Variants in DSE observed in about 807,000 individuals in gnomAD.
The protein encoded by DSE is dermatan sulfate epimerase, also known as dermatan-sulfate epimerase.
Under a neutral mutation model 84.4 loss-of-function variants are expected in DSE, and 36 were observed. The observed-to-expected ratio is 0.43, with a 90% CI of 0.33 to 0.56. The LOEUF is 0.56. Among genes scored for constraint, DSE ranks in the 20% least tolerant of loss-of-function variants. The pLI is 0.06. For synonymous variants in DSE, 410 were observed against 430.1 expected (o/e 0.95, Z 0.58); for missense variants, 862 against 1,169.6 (o/e 0.74, Z 3.84).
At chr6:116,303,225 A>G (rs1172455909) in intron 2 of DSE, among the ~76,000 whole-genome samples, 1 of 151,198 alleles carries the variant, frequency 6.6e-6, no homozygotes, top group Non-Finnish European at 1.5e-5. Context: ...TTATCTCGCT[A>G]CCTCCTTCTC....
At chr6:116,382,136 A>G (rs541891813) in intron 1 of DSE, among the ~76,000 whole-genome samples, 19 of 152,002 alleles carry the variant, frequency 1.2e-4, no homozygotes, top group Non-Finnish European at 1.8e-4. Flanking sequence ...CCCTATTCCA[A>G]TATGACCTCA....
rs1424780037 is a variant in DSE, at chr6:116,299,524, A to ATATG, written c.-54+40560_-54+40561insGTAT. ...TATTTTTATATATATATATATATAT[A>ATATG]TATATATATATATATATATATATAT... is the stretch of plus-strand genomic sequence containing the variant. On this transcript the variant is annotated intron_variant, in intron 2 of 3. Transcript: ENST00000430252. Among the ~76,000 whole-genome samples, 14 of 27,902 alleles carry ATATG rather than the reference A, an allele frequency of 5.0e-4. 1 individual carries two copies. Among genetic ancestry groups the ATATG allele is most frequent in the Non-Finnish European group, 5.2e-5 (1 of 19,052 alleles). 18.3% of individuals were successfully genotyped at this position (27,902 alleles called of 152,430 possible).
At chr6:116,433,255 C>T in intron 4 of DSE, 88 bp from the exon 5 acceptor site, 2 of 1,261,828 alleles carry the variant, frequency 1.6e-6, no homozygotes, top group Non-Finnish European at 2.2e-6. Flanking sequence ...TTCTAATTTG[C>T]AACTAGATTT....
intron 2 of DSE, among the ~76,000 whole-genome samples, chr6:116,295,209 A>T (rs545515399): frequency 6.6e-6 from 1 of 152,130 alleles, no homozygotes; most frequent in Non-Finnish European, 1.5e-5. Flanking sequence ...AAGGTGGGAG[A>T]GGAGAAGATG....
chr6:116,278,755 C>G (rs1773290593), intron 2 of DSE: 2 of 1,614,156 alleles, frequency 1.2e-6, no homozygotes, highest in Non-Finnish European at 1.7e-6. Flanking sequence ...TTCATGCCCC[C>G]TGCGCCATAT....
At chr6:116,408,246 C>A (rs182052404) in intron 2 of DSE, among the ~76,000 whole-genome samples, 1 of 152,150 alleles carries the variant, frequency 6.6e-6, no homozygotes, top group African/African-American at 2.4e-5. Flanking sequence ...ATCTTCTATA[C>A]CCACCCTCCA....
At chr6:116,303,081 C>T (rs1377592673) in intron 2 of DSE, among the ~76,000 whole-genome samples, 7 of 152,140 alleles carry the variant, frequency 4.6e-5, no homozygotes, top group African/African-American at 1.4e-4. Flanking sequence ...CTCTCTCTTT[C>T]TCTTCTCTGG....
chr6:116,380,985 A>G (rs1780187733), intron 1 of DSE, among the ~76,000 whole-genome samples: 2 of 152,204 alleles, frequency 1.3e-5, no homozygotes, highest in African/African-American at 4.8e-5. Flanking sequence ...TGTAAATTTC[A>G]GTTGTACTTT....
chr6:116,312,666 T>C (rs1775760033), intron 2 of DSE, among the ~76,000 whole-genome samples: 1 of 152,186 alleles, frequency 6.6e-6, no homozygotes, highest in Non-Finnish European at 1.5e-5. Context: ...GAAAGACTTA[T>C]TTTCTCAAAA....
chr6:116,390,368 C>T (rs1018586532), intron 1 of DSE, among the ~76,000 whole-genome samples: 1 of 152,044 alleles, frequency 6.6e-6, no homozygotes, highest in African/African-American at 2.4e-5. Context: ...GTGCCTGGCC[C>T]ATAATTCCTG....
intron 2 of DSE, among the ~76,000 whole-genome samples, chr6:116,270,055 T>G (rs6902876): frequency 0.041 from 6,286 of 151,984 alleles, 198 homozygotes; most frequent in African/African-American, 0.086. Flanking sequence ...TACAAATAAA[T>G]AGAGAGTAAA....
intron 2 of DSE, among the ~76,000 whole-genome samples, chr6:116,359,445 A>G (rs1256030296): frequency 6.6e-6 from 1 of 152,182 alleles, no homozygotes; most frequent in South Asian, 2.1e-4. Flanking sequence ...GTTGTCAACC[A>G]TCTATGATCA....
chr6:116,319,404 C>G (rs1391709671), intron 2 of DSE, among the ~76,000 whole-genome samples: 1 of 152,208 alleles, frequency 6.6e-6, no homozygotes, highest in Admixed American at 6.5e-5. Flanking sequence ...CCAAGCTATT[C>G]AAGTTTACCA....
chr6:116,294,481 T>G (rs1376540437), intron 2 of DSE, among the ~76,000 whole-genome samples: 1 of 152,178 alleles, frequency 6.6e-6, no homozygotes, highest in African/African-American at 2.4e-5. Context: ...TTTAAGTAAG[T>G]TAAATAATCT....
At chr6:116,398,475 C>G (rs1381293746) in intron 1 of DSE, among the ~76,000 whole-genome samples, 2 of 152,220 alleles carry the variant, frequency 1.3e-5, no homozygotes, top group African/African-American at 4.8e-5. Context: ...CGTGTTATTT[C>G]AGCCTTTTAA....
At chr6:116,375,961 C>A (rs1038768358) in intron 1 of DSE, among the ~76,000 whole-genome samples, 14 of 152,074 alleles carry the variant, frequency 9.2e-5, no homozygotes, top group African/African-American at 3.1e-4. Flanking sequence ...TAGTGGTATA[C>A]CTTAAATAGA....
chr6:116,280,740 G>A (rs1254642113), intron 2 of DSE, among the ~76,000 whole-genome samples: 1 of 152,186 alleles, frequency 6.6e-6, no homozygotes, highest in African/African-American at 2.4e-5. Flanking sequence ...GAGTTAAACT[G>A]GTGCTGTCTT....
chr6:116,393,382 G>C (rs915214135), intron 1 of DSE, among the ~76,000 whole-genome samples: 1 of 152,154 alleles, frequency 6.6e-6, no homozygotes, highest in Non-Finnish European at 1.5e-5. Context: ...AGTATGATCT[G>C]GCCCTAGTCA....
intron 2 of DSE, among the ~76,000 whole-genome samples, chr6:116,414,173 A>T (rs1782556220): frequency 6.6e-6 from 1 of 152,128 alleles, no homozygotes; most frequent in South Asian, 2.1e-4. Flanking sequence ...TCAGTTCTGG[A>T]AGCTAGAAGT....
Sources: allele counts gnomAD v4.1 joint callset (sites outside exome capture counted in the v4.1 genomes callset), GRCh38; gene constraint gnomAD v4.1.1; transcripts MANE v1.5; gene names NCBI Gene and HGNC (gene_info 2026-07-23, HGNC 2026-07-21).